The following IGSF11 variants were observed in gnomAD, a reference collection of about 807,000 sequenced individuals.
The protein encoded by IGSF11 is immunoglobulin superfamily member 11.
Under a neutral mutation model 41.0 loss-of-function variants are expected in IGSF11, and 22 were observed. The observed-to-expected ratio is 0.54, with a 90% CI of 0.38 to 0.77. The LOEUF (loss-of-function observed/expected upper bound fraction) is 0.77, where lower values mean the gene tolerates loss of function less well. IGSF11 is among the 30% of genes least tolerant of loss of function. The pLI is 0.00. For missense variants in IGSF11, 444 were observed against 530.8 expected, an observed-to-expected ratio of 0.84 and a Z score of 1.61; for synonymous variants, 219 against 201.3, an observed-to-expected ratio of 1.09 and a Z score of -0.74.
chr3:118,925,423 T>C (rs9854506), intron 4 of IGSF11, among the ~76,000 whole-genome samples: 47,290 of 152,094 alleles, frequency 0.31, 10,907 homozygotes, highest in African/African-American at 0.64. Flanking sequence ...TGACGTAATA[T>C]TCGAAGCTGC....
At chr3:119,120,554 G>T (rs2077318371) in intron 1 of IGSF11, among the ~76,000 whole-genome samples, 1 of 152,232 alleles carries the variant, frequency 6.6e-6, no homozygotes, top group Non-Finnish European at 1.5e-5. Flanking sequence ...ATTGTGTACA[G>T]AGGCTTAAGA....
At chr3:119,011,097 A>G (rs933348917) in intron 1 of IGSF11, among the ~76,000 whole-genome samples, 2 of 152,186 alleles carry the variant, frequency 1.3e-5, no homozygotes, top group Non-Finnish European at 2.9e-5. Context: ...CAACATATGA[A>G]AAACAATTAC....
At chr3:119,105,802 C>T (rs1225232040), upstream of IGSF11, among the ~76,000 whole-genome samples, 4 of 152,138 alleles carry the variant, frequency 2.6e-5, no homozygotes, top group Non-Finnish European at 5.9e-5. Flanking sequence ...GCCTAGATTC[C>T]TTTGGCCTAC....
chr3:118,963,063 G>C (rs1167055058), intron 1 of IGSF11, among the ~76,000 whole-genome samples: 5 of 152,138 alleles, frequency 3.3e-5, no homozygotes, highest in Non-Finnish European at 5.9e-5. Flanking sequence ...GCCCACTCTA[G>C]GTGAGCCATA....
chr3:119,083,262 G>A (rs543322274), intron 1 of IGSF11, among the ~76,000 whole-genome samples: 2 of 151,796 alleles, frequency 1.3e-5, no homozygotes, highest in South Asian at 2.1e-4. Context: ...TGGGACTACA[G>A]GAACAAGCCA....
chr3:119,106,541 C>CT (rs986842704), upstream of IGSF11, among the ~76,000 whole-genome samples: 19 of 152,196 alleles, frequency 1.2e-4, no homozygotes, highest in African/African-American at 4.3e-4. Context: ...GGACTTCATT[C>CT]TTTTTTATGG....
At chr3:119,141,667 T>G (rs2077649991) in intron 1 of IGSF11, among the ~76,000 whole-genome samples, 1 of 149,220 alleles carries the variant, frequency 6.7e-6, no homozygotes, top group African/African-American at 2.4e-5. Context: ...AATATCTATA[T>G]ATCTAATATA....
chr3:118,966,870 T>C (rs1031374860), intron 1 of IGSF11, among the ~76,000 whole-genome samples: 3 of 152,198 alleles, frequency 2.0e-5, no homozygotes, highest in African/African-American at 7.2e-5. Flanking sequence ...CTAGTTTCCA[T>C]TCCCAGGACA....
chr3:119,119,719 G>A (rs540959810), intron 1 of IGSF11, among the ~76,000 whole-genome samples: 29 of 152,156 alleles, frequency 1.9e-4, no homozygotes, highest in South Asian at 6.2e-4. Context: ...CTCAGAGTAC[G>A]GTGACTACCT....
At chr3:119,075,800 A>G (rs1398164952) in intron 1 of IGSF11, among the ~76,000 whole-genome samples, 1 of 152,222 alleles carries the variant, frequency 6.6e-6, no homozygotes, top group Non-Finnish European at 1.5e-5. Flanking sequence ...AAAAACCCTC[A>G]ACAAGAATCA....
chr3:119,056,585 T>C (rs945513007), intron 1 of IGSF11, among the ~76,000 whole-genome samples: 2 of 152,036 alleles, frequency 1.3e-5, no homozygotes, highest in African/African-American at 2.4e-5. Context: ...CTATTCCAAT[T>C]AACAGAAAAA....
At chr3:118,962,088 G>A (rs1489504545) in intron 1 of IGSF11, among the ~76,000 whole-genome samples, 1 of 152,120 alleles carries the variant, frequency 6.6e-6, no homozygotes, top group Non-Finnish European at 1.5e-5. Context: ...TTCTGTCTCT[G>A]ACCCATATAT....
At chr3:119,011,990 T>C (rs1938179095) in intron 1 of IGSF11, among the ~76,000 whole-genome samples, 1 of 152,040 alleles carries the variant, frequency 6.6e-6, no homozygotes, top group Non-Finnish European at 1.5e-5. Context: ...TATATATAGG[T>C]ATATATTCTT....
chr3:119,094,530 G>A (rs1404939668), intron 1 of IGSF11, among the ~76,000 whole-genome samples: 2 of 152,026 alleles, frequency 1.3e-5, no homozygotes, highest in Non-Finnish European at 2.9e-5. Context: ...AAAGAGCTAG[G>A]AGTGCTACAG....
chr3:119,008,088 TA>T (rs79193945), intron 1 of IGSF11, among the ~76,000 whole-genome samples: 60,454 of 151,964 alleles, frequency 0.4, 14,745 homozygotes, highest in African/African-American at 0.69. Flanking sequence ...TTTTTACCAA[TA>T]TTATAGTGAC....
At chr3:119,130,990 A>C (rs2077473935) in intron 1 of IGSF11, among the ~76,000 whole-genome samples, 1 of 152,082 alleles carries the variant, frequency 6.6e-6, no homozygotes, top group Non-Finnish European at 1.5e-5. Context: ...AACAAAGAGA[A>C]AGGAATAGAA....
intron 1 of IGSF11, among the ~76,000 whole-genome samples, chr3:119,130,410 G>A (rs775886342): frequency 1.3e-5 from 2 of 152,236 alleles, no homozygotes; most frequent in African/African-American, 2.4e-5. Flanking sequence ...ATTCTCTCCT[G>A]TGCCTGGCTC....
intron 1 of IGSF11, among the ~76,000 whole-genome samples, chr3:119,129,323 G>C (rs150576421): frequency 1.1e-3 from 162 of 152,116 alleles, no homozygotes; most frequent in African/African-American, 3.9e-3. Context: ...TCATCTAAAG[G>C]TATAAAATTC....
At chr3:119,129,263 A>G (rs2077444700) in intron 1 of IGSF11, among the ~76,000 whole-genome samples, 1 of 152,154 alleles carries the variant, frequency 6.6e-6, no homozygotes, top group Non-Finnish European at 1.5e-5. Flanking sequence ...TTCTGCATAC[A>G]TGTATACATG....
Sources: allele counts gnomAD v4.1 joint callset (sites outside exome capture counted in the v4.1 genomes callset), GRCh38; gene constraint gnomAD v4.1.1; transcripts MANE v1.5; gene names NCBI Gene and HGNC (gene_info 2026-07-23, HGNC 2026-07-21).